The following TEX11 variants were observed in gnomAD, a reference collection of about 807,000 sequenced individuals.
The protein encoded by TEX11 is testis expressed 11.
A neutral mutation model predicts 84.4 loss-of-function variants in TEX11; 7 were observed. The ratio of observed to expected loss-of-function variants is 0.08; its 90% CI spans 0.05 to 0.16. TEX11 has a LOEUF of 0.16. Ranked by LOEUF, TEX11 falls within the 10% of genes least tolerant of loss-of-function variation. The pLI is 1.00. For missense variants in TEX11, 551 were observed against 660.5 expected (o/e 0.83, Z 1.82); for synonymous variants, 264 against 222.8 (o/e 1.18, Z -1.64).
chrX:70,580,323 G>A lies in TEX11; in HGVS notation c.2140+11428C>T, dbSNP rs768277535. Among the ~76,000 whole-genome samples the A allele has an allele frequency of 2.7e-5, 3 of 112,375 alleles. No individual in the cohort carries two copies. The South Asian group carries it at 1.1e-3, about 42-fold the overall frequency. On this transcript the variant is annotated intron_variant, in intron 25 of 29. Coordinates refer to ENST00000374333, the MANE Select transcript of TEX11 (RefSeq NM_031276.3). ...AGAAGCTGGGAAAGATAGTAGGGGA[G>A]AATGTGAGGATGGGTAATGGGTAAA...
chrX:70,849,176 A>C (rs2091494502), intron 7 of TEX11, among the ~76,000 whole-genome samples: 1 of 112,217 alleles, frequency 8.9e-6, no homozygotes, highest in Admixed American at 9.5e-5. Flanking sequence ...ACCTAACCTA[A>C]GTCATTCATT....
At chrX:70,855,861 G>A (rs2091533593) in intron 5 of TEX11, among the ~76,000 whole-genome samples, 1 of 111,557 alleles carries the variant, frequency 9.0e-6, no homozygotes, top group South Asian at 3.8e-4. Flanking sequence ...GCCAAGGAAA[G>A]AGTACTCAGA....
chrX:70,703,560 T>C (rs2090343461), intron 13 of TEX11, among the ~76,000 whole-genome samples: 1 of 111,437 alleles, frequency 9.0e-6, no homozygotes. Flanking sequence ...AGGATACTTT[T>C]CCTCTGCCTT....
chrX:70,569,244 C>A (rs765014799), intron 25 of TEX11, among the ~76,000 whole-genome samples: 1 of 112,056 alleles, frequency 8.9e-6, no homozygotes, highest in African/African-American at 3.2e-5. Context: ...TGAGCCTTGG[C>A]TTTCAGCTCC....
At chrX:70,640,517 G>A (rs1363051363) in intron 17 of TEX11, among the ~76,000 whole-genome samples, 1 of 111,024 alleles carries the variant, frequency 9.0e-6, no homozygotes, top group African/African-American at 3.3e-5. Flanking sequence ...TGCAGCCAGA[G>A]AGAAACGTCA....
intron 20 of TEX11, among the ~76,000 whole-genome samples, chrX:70,620,389 T>C (rs1477199206): frequency 9.0e-6 from 1 of 110,899 alleles, no homozygotes; most frequent in Admixed American, 9.6e-5. Flanking sequence ...AAATACAAAA[T>C]AAAACAATGA....
chrX:70,594,667 T>C (rs1293173507), intron 24 of TEX11, among the ~76,000 whole-genome samples: 1 of 111,255 alleles, frequency 9.0e-6, no homozygotes, highest in Non-Finnish European at 1.9e-5. Flanking sequence ...CCTTGAATTG[T>C]AGTTCCCATA....
At chrX:70,748,744 T>C (rs1252405385) in intron 9 of TEX11, among the ~76,000 whole-genome samples, 1 of 96,910 alleles carries the variant, frequency 1.0e-5, no homozygotes, top group Non-Finnish European at 2.1e-5. Flanking sequence ...TATGCGGCGT[T>C]ATTTCTGAGG....
chrX:70,554,482 T>C (rs931158614), intron 26 of TEX11, among the ~76,000 whole-genome samples, 169 bp downstream of exon 26: 28 of 111,216 alleles, frequency 2.5e-4, no homozygotes, highest in Admixed American at 2.4e-3. Context: ...AATGCACAAA[T>C]GATCATAATA....
intron 24 of TEX11, among the ~76,000 whole-genome samples, chrX:70,602,230 C>T (rs776440690): frequency 1.8e-5 from 2 of 111,718 alleles, no homozygotes; most frequent in South Asian, 3.8e-4. Context: ...ATACCAAAGC[C>T]GGGCAGAGAC....
chrX:70,807,236 T>A (rs773035188), intron 8 of TEX11, among the ~76,000 whole-genome samples: 3 of 100,654 alleles, frequency 3.0e-5, no homozygotes, highest in African/African-American at 1.1e-4. Context: ...GGAGTGAGGT[T>A]GGGAAATGAA....
At chrX:70,897,108 G>A (rs778513209) in intron 2 of TEX11, among the ~76,000 whole-genome samples, 5 of 44,885 alleles carry the variant, frequency 1.1e-4, no homozygotes, top group Non-Finnish European at 2.8e-4. Flanking sequence ...CTCTAGCCTG[G>A]GCAACAGAGT....
chrX:70,529,710 G>A, intron 29 of TEX11, 125 bp downstream of exon 29: 1 of 699,361 alleles, frequency 1.4e-6, no homozygotes, highest in South Asian at 3.7e-5. Flanking sequence ...TGGAACCATT[G>A]AGAGGAACAA....
intron 13 of TEX11, among the ~76,000 whole-genome samples, chrX:70,708,254 T>C (rs2090394289): frequency 9.0e-6 from 1 of 111,266 alleles, no homozygotes; most frequent in Non-Finnish European, 1.9e-5. Flanking sequence ...TGAGATACTA[T>C]CTCACACCAG....
chrX:70,609,799 G>A (rs905545561), intron 21 of TEX11, among the ~76,000 whole-genome samples: 3 of 111,263 alleles, frequency 2.7e-5, no homozygotes, highest in African/African-American at 9.8e-5. Flanking sequence ...TGGACATAAG[G>A]AAAGAGGTAC....
chrX:70,677,854 G>A (rs771047110), intron 15 of TEX11, among the ~76,000 whole-genome samples: 2 of 81,523 alleles, frequency 2.5e-5, no homozygotes, highest in African/African-American at 5.0e-5. Flanking sequence ...TTGCTCTGTC[G>A]CCAGGCTGGA....
chrX:70,846,958 C>A (rs1197234879), intron 7 of TEX11, among the ~76,000 whole-genome samples: 2 of 111,189 alleles, frequency 1.8e-5, no homozygotes, highest in Non-Finnish European at 3.8e-5. Flanking sequence ...ATGTGATGCC[C>A]CAATTTTGGA....
At position 70,654,377 on chromosome X, in the gene TEX11, G is replaced by A. The variant is rs991415988; in HGVS notation, c.1381-2825C>T. Reference sequence around the variant, plus strand: ...TCTATTATTTAGAAACATTGATCCCGAAGAAGGCAAGTGAGGAGAGAAAAA... The same window carrying A: ...TCTATTATTTAGAAACATTGATCCCAAAGAAGGCAAGTGAGGAGAGAAAAA... On this transcript the variant is annotated intron_variant, in intron 16 of 29. Transcript: ENST00000374333. 5.4e-5 allele frequency among the ~76,000 whole-genome samples: 6 copies of A among 110,701 alleles called. No individual in the cohort carries two copies. The East Asian group carries it at 1.1e-3, about 21-fold the overall frequency.
intron 3 of TEX11, 44 bp downstream of exon 3, chrX:70,879,944 G>A: frequency 9.1e-7 from 1 of 1,094,454 alleles, no homozygotes; most frequent in Non-Finnish European, 1.2e-6. Flanking sequence ...TTAAAATGAA[G>A]AATCATCGAA....
Sources: allele counts gnomAD v4.1 joint callset (sites outside exome capture counted in the v4.1 genomes callset), GRCh38; gene constraint gnomAD v4.1.1; transcripts MANE v1.5; gene names NCBI Gene and HGNC (gene_info 2026-07-23, HGNC 2026-07-21).